The following RPS6KB1 variants were observed in gnomAD, a reference collection of about 807,000 sequenced individuals.
RPS6KB1 encodes ribosomal protein S6 kinase beta-1.
A neutral mutation model predicts 70.2 loss-of-function variants in RPS6KB1; 12 were observed. That is an observed-to-expected ratio of 0.17 (90% CI 0.11 to 0.28). The LOEUF (loss-of-function observed/expected upper bound fraction) is 0.28. RPS6KB1 is among the 10% of genes least tolerant of loss of function. The pLI, the probability that RPS6KB1 is intolerant of heterozygous loss-of-function variation, is 1.00. For missense variants in RPS6KB1, 270 were observed against 646.6 expected (o/e 0.42, Z 6.32); for synonymous variants, 175 against 211.2 (o/e 0.83, Z 1.49).
chr17:59,939,879 T>C lies in RPS6KB1; in HGVS notation c.1120-957T>C, dbSNP rs1247532267. Among the ~76,000 whole-genome samples the C allele has an allele frequency of 2.6e-5, 4 of 152,214 alleles. No homozygotes were observed. The East Asian group carries it at 7.7e-4, about 29-fold the overall frequency. On this transcript the variant is annotated intron_variant, in intron 12 of 14. Coordinates refer to ENST00000225577, the MANE Select transcript of RPS6KB1 (RefSeq NM_003161.4). Reference sequence around the variant, plus strand: ...ATATTCTAAATTATTATTTACTTCCTACATTTGGCCCAAGAGTCTAACCAG... The same window carrying C: ...ATATTCTAAATTATTATTTACTTCCCACATTTGGCCCAAGAGTCTAACCAG...
chr17:59,906,178 A>G (rs2042253513), intron 1 of RPS6KB1, among the ~76,000 whole-genome samples: 1 of 152,202 alleles, frequency 6.6e-6, no homozygotes. Context: ...TATAAATGTA[A>G]GAGTTTATTT....
chr17:59,935,884 T>G (rs901510414), intron 10 of RPS6KB1, among the ~76,000 whole-genome samples: 1 of 152,060 alleles, frequency 6.6e-6, no homozygotes, highest in African/African-American at 2.4e-5. Context: ...ATCTTGGCTC[T>G]CACTGCAACC....
At chr17:59,913,968 C>T (rs576118377) in intron 3 of RPS6KB1, among the ~76,000 whole-genome samples, 5 of 152,196 alleles carry the variant, frequency 3.3e-5, no homozygotes, top group East Asian at 1.9e-4. Flanking sequence ...CCCAAAGTGC[C>T]GGGTTTACAG....
At chr17:59,917,906 T>G (rs1323017228) in intron 4 of RPS6KB1, among the ~76,000 whole-genome samples, 1 of 152,194 alleles carries the variant, frequency 6.6e-6, no homozygotes, top group East Asian at 1.9e-4. Flanking sequence ...TTTCCACGTT[T>G]CCATTTCTTT....
At chr17:59,938,191 G>GC (rs200270152) in intron 12 of RPS6KB1, among the ~76,000 whole-genome samples, 1,770 of 143,314 alleles carry the variant, frequency 0.012, 66 homozygotes, top group African/African-American at 0.044. Context: ...TTTTGGGGGG[G>GC]GGATAGGGTC....
chr17:59,934,966 C>T lies in RPS6KB1; in HGVS notation c.871-227C>T. On this transcript the variant is annotated intron_variant, in intron 9 of 14. Transcript: ENST00000225577. The surrounding 1 kb of genome is among the most constrained non-coding windows in gnomAD (Gnocchi z 4.8). ...ACTCAGGAGGCTGAGGTGGGAGGAT[C>T]ATTTGAGCTAAGGATTATTAATAGA... 2 of 420,148 alleles carry T rather than the reference C, an allele frequency of 4.8e-6. No homozygotes were observed. The highest frequency in any genetic ancestry group is 8.6e-6 in the Non-Finnish European group (2 of 231,652). 26.0% of individuals were successfully genotyped at this position (420,148 alleles called of 1,614,324 possible).
chr17:59,900,161 C>T (rs1411063511), intron 1 of RPS6KB1, among the ~76,000 whole-genome samples: 1 of 124,532 alleles, frequency 8.0e-6, no homozygotes, highest in Non-Finnish European at 1.7e-5. Context: ...TGACAGAAAC[C>T]TAATTGCTAA....
chr17:59,900,748 A>G (rs1162805944), intron 1 of RPS6KB1, among the ~76,000 whole-genome samples: 1 of 152,172 alleles, frequency 6.6e-6, no homozygotes, highest in Non-Finnish European at 1.5e-5. Flanking sequence ...GCTATATATT[A>G]TAATGTCAGT....
chr17:59,936,658 C>A (rs2044265174), intron 12 of RPS6KB1, 117 bp downstream of exon 12: 3 of 805,064 alleles, frequency 3.7e-6, no homozygotes, highest in South Asian at 1.5e-5. Flanking sequence ...CCAGCATGGG[C>A]AACATAACAA....
chr17:59,923,984 A>AT (rs750156767), intron 4 of RPS6KB1, among the ~76,000 whole-genome samples: 1 of 152,020 alleles, frequency 6.6e-6, no homozygotes, highest in Non-Finnish European at 1.5e-5. Context: ...TTTCTTTGCA[A>AT]TTTTTTGTGT....
chr17:59,909,336 C>T (rs1366049125), intron 1 of RPS6KB1, among the ~76,000 whole-genome samples: 4 of 136,674 alleles, frequency 2.9e-5, no homozygotes, highest in Non-Finnish European at 4.6e-5. Context: ...GGCGTGATCT[C>T]GGCTCACCGC....
chr17:59,906,289 A>G lies in RPS6KB1; in HGVS notation c.142-4273A>G, dbSNP rs935651255. 3.3e-5 allele frequency among the ~76,000 whole-genome samples: 5 copies of G among 152,078 alleles called. No individual in the cohort carries two copies. The South Asian group carries it at 1.0e-3, about 31-fold the overall frequency. On this transcript the variant is annotated intron_variant, in intron 1 of 14. Transcript: ENST00000225577. ...CTTTGTAACATGTTTTGAAATTGGG[A>G]AGTGTCAGTCCTCCACCTTTGTTCT...
chr17:59,922,837 C>A (rs1437299235), intron 4 of RPS6KB1, among the ~76,000 whole-genome samples: 5 of 151,212 alleles, frequency 3.3e-5, no homozygotes, highest in Non-Finnish European at 7.4e-5. Flanking sequence ...AGCCACTGCG[C>A]CTGGCCCTAT....
At chr17:59,910,179 T>TC (rs987797165) in intron 1 of RPS6KB1, among the ~76,000 whole-genome samples, 26 of 139,926 alleles carry the variant, frequency 1.9e-4, no homozygotes, top group Non-Finnish European at 6.1e-5. Flanking sequence ...AGAGTGAGAC[T>TC]CCATCTCAAA....
chr17:59,943,990 C>A (rs2044775132), intron 13 of RPS6KB1, among the ~76,000 whole-genome samples: 1 of 151,504 alleles, frequency 6.6e-6, no homozygotes, highest in South Asian at 2.1e-4. Flanking sequence ...CTAGCAACCT[C>A]ATTTCAACAA....
At chr17:59,926,684 T>G (rs940394404) in intron 5 of RPS6KB1, 102 bp downstream of exon 5, 26 of 1,008,408 alleles carry the variant, frequency 2.6e-5, no homozygotes, top group Non-Finnish European at 3.9e-5. Context: ...TATGATCAAA[T>G]AGTGCTTAAA....
chr17:59,929,536 C>A (rs969348563), intron 5 of RPS6KB1, among the ~76,000 whole-genome samples: 85 of 152,314 alleles, frequency 5.6e-4, no homozygotes, highest in African/African-American at 1.9e-3. Context: ...TTCTCTTCTT[C>A]CCCCTTTAAA....
intron 12 of RPS6KB1, among the ~76,000 whole-genome samples, chr17:59,940,565 C>T (rs559592768): frequency 5.7e-4 from 87 of 152,016 alleles, no homozygotes; most frequent in African/African-American, 1.8e-3. Flanking sequence ...GGATTACAGA[C>T]GTGAGCCACC....
In RPS6KB1 at chr17:59,926,554, A is replaced by G; in HGVS notation, c.501A>G (p.Lys167=). 1.2e-6 allele frequency: 2 copies of G among 1,605,696 alleles called. No homozygotes were observed. The highest frequency in any genetic ancestry group is 1.7e-6 in the Non-Finnish European group (2 of 1,175,918). Reference sequence around the variant, plus strand: ...TTTATGCCTTTCAGACTGGTGGAAAACTCTACCTCATCCTTGAGTATCTCA... The same window carrying G: ...TTTATGCCTTTCAGACTGGTGGAAAGCTCTACCTCATCCTTGAGTATCTCA... ...DLIYAFQTGG[K]LYLILEYLSG... The change falls in exon 5 of 15, where the codon AAA becomes AAG. Residue 167 remains lysine (K), a synonymous_variant. Transcript: ENST00000225577.
Sources: gnomAD v4.1 joint callset for allele counts (sites outside exome capture counted in the v4.1 genomes callset) on GRCh38, gnomAD v4.1.1 for gene constraint, Gnocchi (gnomAD v3.1) non-coding constraint, MANE v1.5 for transcripts, NCBI Gene and HGNC (gene_info 2026-07-23, HGNC 2026-07-21) for gene names.